CREBBP: variants seen among roughly 807,000 people sequenced by gnomAD.
The protein encoded by CREBBP is CREB binding lysine acetyltransferase.
In CREBBP, 19 loss-of-function variants were observed where a neutral mutation model predicts 265.0. That is an observed-to-expected ratio of 0.07 (90% CI 0.05 to 0.11). CREBBP has a LOEUF of 0.11. Ranked by LOEUF, CREBBP falls within the 10% of genes least tolerant of loss-of-function variation. The pLI, the probability that CREBBP is intolerant of heterozygous loss-of-function variation, is 1.00. For synonymous variants in CREBBP, 1,457 were observed against 1,223.7 expected (o/e 1.19, Z -3.98); for missense variants, 2,525 against 3,219.0 (o/e 0.78, Z 5.22).
intron 1 of CREBBP, 31 bp from the exon 2 acceptor site, chr16:3,851,040 A>G (rs1361366167): frequency 6.3e-7 from 1 of 1,594,670 alleles, no homozygotes; most frequent in East Asian, 2.2e-5. Flanking sequence ...GAAATGAGAA[A>G]CTAAGCAACC....
At chr16:3,786,928 C>A (rs2053400898) in intron 5 of CREBBP, among the ~76,000 whole-genome samples, 1 of 152,068 alleles carries the variant, frequency 6.6e-6, no homozygotes, top group African/African-American at 2.4e-5. Flanking sequence ...CATAAAGTAG[C>A]CAGGCATGGT....
At chr16:3,849,425 GTGTGTGTGTGTGT>G (rs2054748096) in intron 2 of CREBBP, among the ~76,000 whole-genome samples, 35 of 10,580 alleles carry the variant, frequency 3.3e-3, no homozygotes, top group East Asian at 7.0e-3. Context: ...GTGTGTGTGT[GTGTGTGTGTGTGT>G]GTGTGTGTGT....
chr16:3,740,662 A>G (rs760263419), intron 23 of CREBBP, 113 bp from the exon 24 acceptor site: 80 of 1,206,632 alleles, frequency 6.6e-5, no homozygotes, highest in Non-Finnish European at 9.5e-5. Flanking sequence ...TTAAAGGACT[A>G]ATGTTCTCCA....
chr16:3,774,627 C>A lies in CREBBP; in HGVS notation c.2225G>T (p.Arg742Leu). The A allele has an allele frequency of 6.2e-7, 1 of 1,614,122 alleles. No individual in the cohort carries two copies. The highest frequency in any genetic ancestry group is 8.5e-7 in the Non-Finnish European group (1 of 1,180,020). ...AGAGTGGTTCATTGGGGAGGCTGCA[C>A]GAGGTCCCATGGGTGCTTGTGGCAA... ...VQLPQAPMGP[R>L]AASPMNHSVQ... is the part of the protein sequence containing the mutation. The change falls in exon 12 of 31, where the codon CGT becomes CTT. Residue 742 changes from arginine (R) to leucine (L), a missense_variant. Around this residue, in one of 19 missense-constraint regions of CREBBP, gnomAD observed 548 missense variants for 533.0 expected, o/e 1.03. Coordinates refer to ENST00000262367, the MANE Select transcript of CREBBP (RefSeq NM_004380.3).
intron 1 of CREBBP, among the ~76,000 whole-genome samples, chr16:3,876,817 C>T (rs1192466890): frequency 6.6e-6 from 1 of 152,188 alleles, no homozygotes; most frequent in Non-Finnish European, 1.5e-5. Context: ...GCATAAGCTT[C>T]CCAGGCTTCG....
At chr16:3,812,589 G>A (rs1375227947) in intron 2 of CREBBP, among the ~76,000 whole-genome samples, 1 of 151,668 alleles carries the variant, frequency 6.6e-6, no homozygotes, top group Non-Finnish European at 1.5e-5. Context: ...GCTTCCGTGA[G>A]GGCCTGCAAC....
chr16:3,835,649 G>C (rs916060493), intron 2 of CREBBP, among the ~76,000 whole-genome samples: 1 of 144,452 alleles, frequency 6.9e-6, no homozygotes, highest in Admixed American at 7.2e-5. Flanking sequence ...GTGGGATCTC[G>C]GGTCACTGCA....
At chr16:3,836,994 G>A (rs762519638) in intron 2 of CREBBP, among the ~76,000 whole-genome samples, 2 of 152,178 alleles carry the variant, frequency 1.3e-5, no homozygotes, top group Non-Finnish European at 2.9e-5. Flanking sequence ...CATAATAGCC[G>A]ATAATGATAA....
At chr16:3,778,565 T>C in intron 9 of CREBBP, 135 bp downstream of exon 9, 1 of 803,000 alleles carries the variant, frequency 1.2e-6, no homozygotes, top group Non-Finnish European at 2.2e-6. Context: ...GGAAGTCTCC[T>C]TGGTCAGTGG....
At chr16:3,820,387 G>A (rs570037551) in intron 2 of CREBBP, among the ~76,000 whole-genome samples, 4 of 152,220 alleles carry the variant, frequency 2.6e-5, no homozygotes, top group African/African-American at 9.6e-5. Flanking sequence ...CCTGGGGCAG[G>A]AGAGTTGGGC....
At chr16:3,852,035 C>CAAAAAAAAAAAAAAAAAA (rs551018184) in intron 1 of CREBBP, among the ~76,000 whole-genome samples, 1 of 11,200 alleles carries the variant, frequency 8.9e-5, no homozygotes, top group African/African-American at 2.7e-4. Context: ...GACTCCATCT[C>CAAAAAAAAAAAAAAAAAA]AAAAAAAAAA....
chr16:3,849,437 GTGTGTGTGTGTGTGTGTGTGT>G (rs2054759526), intron 2 of CREBBP, among the ~76,000 whole-genome samples: 3 of 16,488 alleles, frequency 1.8e-4, no homozygotes, highest in East Asian at 4.5e-3. Context: ...GTGTGTGTGT[GTGTGTGTGTGTGTGTGTGTGT>G]GTGTGTGTGT....
intron 24 of CREBBP, 35 bp from the exon 25 acceptor site, chr16:3,739,759 G>T (rs2151337874): frequency 1.9e-6 from 3 of 1,614,094 alleles, no homozygotes; most frequent in Non-Finnish European, 2.5e-6. Context: ...ATTTACAAAG[G>T]CTGTTGCTGA....
At chr16:3,758,488 C>T (rs1473251614) in intron 17 of CREBBP, among the ~76,000 whole-genome samples, 1 of 152,152 alleles carries the variant, frequency 6.6e-6, no homozygotes, top group Non-Finnish European at 1.5e-5. Flanking sequence ...GGCTGGGTCC[C>T]CATGGCCTTT....
intron 9 of CREBBP, 134 bp downstream of exon 9, chr16:3,778,566 T>C (rs1596909241): frequency 2.5e-6 from 2 of 805,070 alleles, no homozygotes; most frequent in Middle Eastern, 2.6e-4. Context: ...GAAGTCTCCT[T>C]GGTCAGTGGC....
At chr16:3,847,688 G>A (rs980277696) in intron 2 of CREBBP, among the ~76,000 whole-genome samples, 1 of 152,232 alleles carries the variant, frequency 6.6e-6, no homozygotes, top group Non-Finnish European at 1.5e-5. Context: ...GGACAGAGAA[G>A]CATGAAGTGT....
intron 1 of CREBBP, 53 bp downstream of exon 1, chr16:3,879,779 G>A (rs931190385): frequency 4.6e-6 from 7 of 1,528,912 alleles, no homozygotes; most frequent in African/African-American, 2.7e-5. Context: ...CTCTCTTTCA[G>A]GTGGGGGTGA....
chr16:3,730,247 T>C (rs1416702824), intron 30 of CREBBP, among the ~76,000 whole-genome samples: 1 of 152,118 alleles, frequency 6.6e-6, no homozygotes, highest in Non-Finnish European at 1.5e-5. Flanking sequence ...ACCAGCCCCC[T>C]TCCTTCCGAC....
intron 3 of CREBBP, among the ~76,000 whole-genome samples, chr16:3,807,048 T>C (rs2053844436): frequency 1.3e-5 from 2 of 152,228 alleles, no homozygotes; most frequent in Non-Finnish European, 2.9e-5. Flanking sequence ...AACGATTTGT[T>C]TTCCGTGGCC....
Sources: allele counts gnomAD v4.1 joint callset (sites outside exome capture counted in the v4.1 genomes callset), GRCh38; gene constraint gnomAD v4.1.1; regional missense constraint gnomAD v4.1.1; transcripts MANE v1.5; gene names NCBI Gene and HGNC (gene_info 2026-07-23, HGNC 2026-07-21).